The following CCDC178 variants were observed in gnomAD, a reference collection of about 807,000 sequenced individuals.
CCDC178 encodes coiled-coil domain-containing protein 178.
A neutral mutation model predicts 117.4 loss-of-function variants in CCDC178; 126 were observed. The observed-to-expected ratio is 1.07, with a 90% confidence interval of 0.93 to 1.24. The LOEUF (loss-of-function observed/expected upper bound fraction) is 1.24. Among genes scored for constraint, CCDC178 ranks in the 50% most tolerant of loss-of-function variants. The pLI is 0.00. For missense variants in CCDC178, 1,030 were observed against 986.9 expected (o/e 1.04, Z -0.59); for synonymous variants, 283 against 313.4 (o/e 0.90, Z 1.02).
chr18:33,262,282 T>C (rs2059760267), intron 14 of CCDC178, among the ~76,000 whole-genome samples: 1 of 152,208 alleles, frequency 6.6e-6, no homozygotes, highest in African/African-American at 2.4e-5. Context: ...CTTTCCACAA[T>C]TTCAGACTCA....
chr18:33,210,766 C>T (rs1020003898), intron 20 of CCDC178, among the ~76,000 whole-genome samples: 12 of 152,012 alleles, frequency 7.9e-5, no homozygotes, highest in Non-Finnish European at 1.5e-4. Flanking sequence ...TAAGAAGAGG[C>T]ATCACGTATT....
At chr18:33,392,227 T>C (rs533650730) in intron 4 of CCDC178, among the ~76,000 whole-genome samples, 20 of 152,110 alleles carry the variant, frequency 1.3e-4, no homozygotes, top group Non-Finnish European at 2.5e-4. Context: ...CCCCAACCCA[T>C]AGGGGCTTGT....
intron 21 of CCDC178, among the ~76,000 whole-genome samples, chr18:32,989,305 A>G (rs2055338871): frequency 6.6e-6 from 1 of 152,238 alleles, no homozygotes; most frequent in Non-Finnish European, 1.5e-5. Flanking sequence ...AAGACTTAAA[A>G]GAAATCTAAA....
chr18:33,278,282 C>CATAT (rs36227101), intron 12 of CCDC178, among the ~76,000 whole-genome samples: 78 of 141,372 alleles, frequency 5.5e-4, no homozygotes, highest in African/African-American at 1.2e-3. Context: ...TACACAAATA[C>CATAT]ATATATATAT....
At chr18:33,360,264 T>A (rs1014027773) in intron 6 of CCDC178, among the ~76,000 whole-genome samples, 1 of 150,356 alleles carries the variant, frequency 6.7e-6, no homozygotes, top group Admixed American at 6.6e-5. Flanking sequence ...CTTAATCAAA[T>A]CCTTATATAA....
Position 33,293,239 on chromosome 18 carries a change from C to T in CCDC178, c.1096G>A (p.Glu366Lys). ...SSVINVNTNI[E>K]EKEEEVTEAI... The stretch of plus-strand genomic sequence containing the variant: ...TCAGTCACTTCCTCTTCCTTCTCCT[C>T]AATATTAGTATTAACATTTATCACT... Residue 366 changes from glutamate to lysine, a missense_variant, in exon 12 of 23, where the codon GAG becomes AAG. Physicochemically the swap from Glu to Lys is moderately conservative, Grantham distance 56 (BLOSUM62 1). Coordinates refer to ENST00000383096, the MANE Select transcript of CCDC178 (RefSeq NM_001105528.4). The T allele has an allele frequency of 1.3e-6, 2 of 1,569,836 alleles. No homozygotes were observed. Among genetic ancestry groups the T allele is most frequent in the South Asian group, 1.1e-5 (1 of 88,792 alleles).
At chr18:33,103,242 G>A (rs1434788203) in intron 20 of CCDC178, among the ~76,000 whole-genome samples, 1 of 151,804 alleles carries the variant, frequency 6.6e-6, no homozygotes, top group East Asian at 2.0e-4. Flanking sequence ...GGAAACCCCT[G>A]ATAAAACCAT....
intron 6 of CCDC178, among the ~76,000 whole-genome samples, chr18:33,367,099 T>A (rs1568179229): frequency 6.6e-6 from 1 of 152,022 alleles, no homozygotes; most frequent in Non-Finnish European, 1.5e-5. Flanking sequence ...ATTTAAAAAA[T>A]TTTCTCCATT....
At chr18:33,417,535 T>TACACACAC (rs60345049) in intron 2 of CCDC178, among the ~76,000 whole-genome samples, 197 of 148,290 alleles carry the variant, frequency 1.3e-3, no homozygotes, top group Non-Finnish European at 1.9e-3. Flanking sequence ...CAGAGCTGTA[T>TACACACAC]ACACACACAC....
At chr18:33,117,526 T>C (rs2057874057) in intron 20 of CCDC178, among the ~76,000 whole-genome samples, 1 of 151,842 alleles carries the variant, frequency 6.6e-6, no homozygotes, top group Admixed American at 6.6e-5. Flanking sequence ...ACTGCTTCGT[T>C]TATTGGACAC....
chr18:33,027,760 T>C (rs947313972), intron 21 of CCDC178, among the ~76,000 whole-genome samples: 13 of 151,788 alleles, frequency 8.6e-5, no homozygotes, highest in African/African-American at 3.1e-4. Flanking sequence ...AGTCATAAAA[T>C]TTCAAGTGAT....
In CCDC178 at chr18:33,030,273, T is replaced by A. The variant is rs529428916; in HGVS notation, c.2389-55592A>T. On this transcript the variant is annotated intron_variant, in intron 21 of 22. Transcript: ENST00000383096. ...AAATTTAGTCGGATATTAGTACACA[T>A]ATTCTAGCTTTTCTTTTGTTGCTGT... Among the ~76,000 whole-genome samples the A allele has an allele frequency of 2.6e-5, 4 of 152,230 alleles. No individual in the cohort carries two copies. The East Asian group carries it at 7.7e-4, about 29-fold the overall frequency.
intron 20 of CCDC178, among the ~76,000 whole-genome samples, chr18:33,168,656 T>G (rs1003309333): frequency 3.3e-5 from 5 of 152,184 alleles, no homozygotes; most frequent in African/African-American, 1.2e-4. Flanking sequence ...GGAATACAAC[T>G]ACCATATTGA....
rs1054700730 is a variant in CCDC178, at chr18:33,176,340, C to A, written c.2238+35556G>T. 7.2e-5 allele frequency among the ~76,000 whole-genome samples: 11 copies of A among 152,242 alleles called. No homozygotes were observed. In the East Asian group the frequency reaches 2.1e-3, roughly 29 times the overall value. ...CTCATTGACACACCCATTTGTGCAA[C>A]CCCAAAATGTCCCACTTCTGAAATT... is the stretch of plus-strand genomic sequence containing the variant. On this transcript the variant is annotated intron_variant, in intron 20 of 22. Coordinates refer to ENST00000383096, the MANE Select transcript of CCDC178 (RefSeq NM_001105528.4).
At chr18:33,135,981 C>T (rs2093354061) in intron 20 of CCDC178, 1 of 152,126 alleles carries the variant, frequency 6.6e-6, no homozygotes, top group South Asian at 2.1e-4. Flanking sequence ...CCAGTCTGTA[C>T]AAATGACTGT....
intron 11 of CCDC178, among the ~76,000 whole-genome samples, chr18:33,301,571 G>A (rs1436946985): frequency 6.6e-6 from 1 of 152,204 alleles, no homozygotes; most frequent in Non-Finnish European, 1.5e-5. Context: ...CACAAGAATG[G>A]AACTGTCAAG....
chr18:32,939,323 A>G (rs897010514), intron 22 of CCDC178, among the ~76,000 whole-genome samples: 4 of 148,984 alleles, frequency 2.7e-5, no homozygotes, highest in Admixed American at 1.3e-4. Context: ...AACATAACTG[A>G]AAAAAAAAAG....
chr18:33,332,191 C>T (rs1012040848), intron 10 of CCDC178, among the ~76,000 whole-genome samples: 1 of 152,080 alleles, frequency 6.6e-6, no homozygotes, highest in Non-Finnish European at 1.5e-5. Flanking sequence ...TGTTTATTAA[C>T]ACACACGCAT....
At chr18:33,089,457 T>C (rs1438214562) in intron 21 of CCDC178, among the ~76,000 whole-genome samples, 1 of 152,096 alleles carries the variant, frequency 6.6e-6, no homozygotes, top group Non-Finnish European at 1.5e-5. Context: ...AAAGATAACA[T>C]TTGCAAACAA....
Sources: allele counts gnomAD v4.1 joint callset (sites outside exome capture counted in the v4.1 genomes callset), GRCh38; gene constraint gnomAD v4.1.1; transcripts MANE v1.5; gene names NCBI Gene and HGNC (gene_info 2026-07-23, HGNC 2026-07-21).